The following PER3 variants were observed in gnomAD, a reference collection of about 807,000 sequenced individuals.
PER3 encodes the protein period circadian protein homolog 3.
Under a neutral mutation model 127.2 loss-of-function variants are expected in PER3, and 107 were observed. The ratio of observed to expected loss-of-function variants is 0.84; its 90% CI spans 0.72 to 0.99. PER3 has a LOEUF of 0.99. Ranked by LOEUF, PER3 falls within the 50% of genes least tolerant of loss-of-function variation. The pLI is 0.00. For synonymous variants in PER3, 618 were observed against 585.8 expected, an observed-to-expected ratio of 1.05 and a Z score of -0.79; for missense variants, 1,560 against 1,525.8, an observed-to-expected ratio of 1.02 and a Z score of -0.37.
chr1:7,810,018 G>A lies in PER3; in HGVS notation c.1368G>A (p.Glu456=). ...ACCGTGTGGAGGAGACGAAGGCGGA[G>A]CAGGTGCATGGGCTTATGTCACATT... ...SGHRVEETKA[E]QMTLQQVYAS... The change falls in exon 12 of 22, where the codon GAG becomes GAA. Residue 456 remains glutamate (E), a synonymous_variant. Coordinates refer to ENST00000377532, the MANE Select transcript of PER3 (RefSeq NM_001377275.1). 6.2e-7 allele frequency: 1 copy of A among 1,613,334 alleles called. No individual in the cohort carries two copies. The highest frequency in any genetic ancestry group is 8.5e-7 in the Non-Finnish European group (1 of 1,179,530).
chr1:7,822,260 T>A (rs997938356), intron 16 of PER3, among the ~76,000 whole-genome samples: 26 of 27,596 alleles, frequency 9.4e-4, no homozygotes, highest in South Asian at 2.9e-3. Flanking sequence ...AAAAAAAAAT[T>A]TTTTTTTTTT....
At chr1:7,796,545 C>T (rs1355112500) in intron 6 of PER3, among the ~76,000 whole-genome samples, 1 of 151,992 alleles carries the variant, frequency 6.6e-6, no homozygotes, top group African/African-American at 2.4e-5. Flanking sequence ...GAACTCCTGG[C>T]CTCAAGTGAT....
At chr1:7,832,094 T>G (rs1331199020) in intron 19 of PER3, among the ~76,000 whole-genome samples, 1 of 152,174 alleles carries the variant, frequency 6.6e-6, no homozygotes, top group Admixed American at 6.5e-5. Context: ...TATCAGTTTC[T>G]TAGTGATCTT....
At chr1:7,791,979 C>T in intron 5 of PER3, among the ~76,000 whole-genome samples, 1 of 152,206 alleles carries the variant, frequency 6.6e-6, no homozygotes, top group East Asian at 1.9e-4. Flanking sequence ...CTTCTAAGCC[C>T]TCCAAACTGT....
chr1:7,819,297 C>T lies in PER3; in HGVS notation c.1535C>T (p.Thr512Ile), dbSNP rs1236261388. Residue 512 changes from threonine to isoleucine, a missense_variant, in exon 14 of 22, where the codon ACC becomes ATC. Transcript: ENST00000377532. Reference protein sequence around the residue: ...ESANGGGECKTFTSFHQTLKN... With the variant: ...ESANGGGECKIFTSFHQTLKN... Reference sequence around the variant, plus strand: ...TATTCTGTTTCAGGTGAATGTAAGACCTTTACTTCCTTCCACCAAACACTG... The same window carrying T: ...TATTCTGTTTCAGGTGAATGTAAGATCTTTACTTCCTTCCACCAAACACTG... 6.2e-7 allele frequency: 1 copy of T among 1,613,408 alleles called. No homozygotes were observed. The highest frequency in any genetic ancestry group is 8.5e-7 in the Non-Finnish European group (1 of 1,179,466).
At chr1:7,821,371 C>T (rs1284074985) in intron 16 of PER3, among the ~76,000 whole-genome samples, 1 of 152,164 alleles carries the variant, frequency 6.6e-6, no homozygotes, top group Non-Finnish European at 1.5e-5. Context: ...TAAATCTTTC[C>T]AACAACCTGT....
intron 19 of PER3, among the ~76,000 whole-genome samples, chr1:7,834,369 C>G (rs1051271497): frequency 6.6e-6 from 1 of 152,054 alleles, no homozygotes; most frequent in Non-Finnish European, 1.5e-5. Context: ...TACATTTTAA[C>G]GTGTAAAAAA....
Position 7,789,140 on chromosome 1 carries a change from A to AATATATATATATATAT in PER3, c.592+897_592+912dup, listed in dbSNP as rs59535110. On this transcript the variant is annotated intron_variant, in intron 5 of 21. Transcript: ENST00000377532. ...TGAAGTGTCTCTTAAAGAGCTTTAA[A>AATATATATATATATAT]ATATATATATATATATATCAGCGTT... Among the ~76,000 whole-genome samples the AATATATATATATATAT allele has an allele frequency of 6.0e-3, 798 of 133,150 alleles. 5 individuals carry two copies. The highest frequency in any genetic ancestry group is 6.9e-3 in the Non-Finnish European group (413 of 60,070). 87.4% of individuals were successfully genotyped at this position (133,150 alleles called of 152,430 possible). A position where few individuals can be genotyped will look rare whatever the true frequency, so the allele number is the denominator to read the frequency against.
intron 13 of PER3, among the ~76,000 whole-genome samples, chr1:7,816,616 C>G (rs925029121): frequency 2.1e-4 from 32 of 152,054 alleles, no homozygotes; most frequent in African/African-American, 6.3e-4. Context: ...AAAATGTAAA[C>G]CATATGAGAT....
Position 7,820,219 on chromosome 1 carries a change from A to G in PER3, c.1763A>G (p.Asp588Gly). Reference sequence around the variant, plus strand: ...GAAGACAAACAGAACCACAAGGCAGATGATGTCCAAGCCTTACAAGGTAAC... The same window carrying G: ...GAAGACAAACAGAACCACAAGGCAGGTGATGTCCAAGCCTTACAAGGTAAC... ...SEEDKQNHKADDVQALQAGLQ... is the reference protein window; with the variant it reads ...SEEDKQNHKAGDVQALQAGLQ... Residue 588 changes from aspartate (D) to glycine (G), a missense_variant, in exon 15 of 22, where the codon GAT becomes GGT. By Grantham distance (94) the Asp-to-Gly change is moderately conservative. Transcript: ENST00000377532. The G allele has an allele frequency of 6.2e-7, 1 of 1,613,930 alleles. No homozygotes were observed. The highest frequency in any genetic ancestry group is 1.1e-5 in the South Asian group (1 of 91,056).
At position 7,809,934 on chromosome 1, in the gene PER3, G is replaced by A; in HGVS notation, c.1284G>A (p.Gly428=). The change falls in exon 12 of 22, where the codon GGG becomes GGA. Residue 428 remains glycine (G), a synonymous_variant. Coordinates refer to ENST00000377532, the MANE Select transcript of PER3 (RefSeq NM_001377275.1). Reference sequence around the variant, plus strand: ...TGTCCAGCGGCTACGGGAGCCTGGGGAGCAGCGGGTCGCAGGAGCAGCTTG... The same window carrying A: ...TGTCCAGCGGCTACGGGAGCCTGGGAAGCAGCGGGTCGCAGGAGCAGCTTG... ...VSVSSGYGSL[G]SSGSQEQLVS... 6.2e-7 allele frequency: 1 copy of A among 1,614,070 alleles called. No homozygotes were observed. Among genetic ancestry groups the A allele is most frequent in the Middle Eastern group, 1.7e-4 (1 of 6,058 alleles).
chr1:7,820,366 G>T, intron 15 of PER3, 101 bp from the exon 16 acceptor site: 1 of 1,404,122 alleles, frequency 7.1e-7, no homozygotes, highest in Non-Finnish European at 9.7e-7. Context: ...ATGACAGTAA[G>T]GTTTAATTTC....
intron 9 of PER3, 113 bp downstream of exon 9, chr1:7,803,266 G>C (rs1030005432): frequency 1.4e-6 from 1 of 733,156 alleles, no homozygotes; most frequent in African/African-American, 1.7e-5. Context: ...TTACATTGAA[G>C]CTGCTAAAGC....
rs137949562 is a variant in PER3, at chr1:7,827,559, C to T, written c.2630C>T (p.Pro877Leu). 23 of 1,614,050 alleles carry T rather than the reference C, an allele frequency of 1.4e-5. No homozygotes were observed. The highest frequency in any genetic ancestry group is 1.6e-4 in the Middle Eastern group (1 of 6,084). Reference protein sequence around the residue: ...PLLSPSFLPCPFLGATASSAI... With the variant: ...PLLSPSFLPCLFLGATASSAI... ...TTGTCGCCATCGTTTTTGCCATGTC[C>T]ATTCCTGGGGGCGACAGCCTCTTCT... Residue 877 changes from proline to leucine, a missense_variant, in exon 18 of 22, where the codon CCA (proline) becomes CTA (leucine). Coordinates refer to ENST00000377532, the MANE Select transcript of PER3 (RefSeq NM_001377275.1).
At chr1:7,842,290 C>T (rs2097394238) in intron 21 of PER3, among the ~76,000 whole-genome samples, 1 of 152,014 alleles carries the variant, frequency 6.6e-6, no homozygotes, top group Non-Finnish European at 1.5e-5. Context: ...ATCACGAGGT[C>T]AGGGGTTCAA....
rs147016685 is a variant in PER3, at chr1:7,827,528, C to A, written c.2599C>A (p.Pro867Thr). 1 of 1,614,210 alleles carries A rather than the reference C, an allele frequency of 6.2e-7. No homozygotes were observed. Among genetic ancestry groups the A allele is most frequent in the Non-Finnish European group, 8.5e-7 (1 of 1,180,038 alleles). ...TVFLPDPPVC[P>T]LLSPSFLPCP... Reference sequence around the variant, plus strand: ...TTTCCTGCCTGACCCCCCTGTCTGTCCTCTGTTGTCGCCATCGTTTTTGCC... The same window carrying A: ...TTTCCTGCCTGACCCCCCTGTCTGTACTCTGTTGTCGCCATCGTTTTTGCC... The change falls in exon 18 of 22, where the codon CCT (proline) becomes ACT (threonine). Residue 867 changes from proline (P) to threonine (T), a missense_variant. Around this residue, in one of 3 missense-constraint regions of PER3, gnomAD observed 1,332 missense variants for 1,223.6 expected, o/e 1.09. Transcript: ENST00000377532.
In PER3 at chr1:7,835,833, T is replaced by C. The variant is rs2097355573; in HGVS notation, c.3286T>C (p.Ser1096Pro). The C allele has an allele frequency of 8.7e-6, 14 of 1,611,882 alleles. No homozygotes were observed. The East Asian group carries it at 2.9e-4, about 33-fold the overall frequency. Reference protein sequence around the residue: ...SSKISQNGQQSQDVQKKETFP... With the variant: ...SSKISQNGQQPQDVQKKETFP... ...TAAAATCTCCCAAAATGGGCAGCAA[T>C]CTCAGGACGTACAGAAAAAAGAAAC... Residue 1096 changes from serine (S) to proline (P), a missense_variant, in exon 20 of 22, where the codon TCT becomes CCT. Ser to Pro is a moderately conservative substitution (Grantham distance 74). Transcript: ENST00000377532.
rs1305646151 is a variant in PER3, at chr1:7,784,795, G to C, written c.-83G>C. The C allele has an allele frequency of 7.5e-7, 1 of 1,339,354 alleles. No homozygotes were observed. The highest frequency in any genetic ancestry group is 3.1e-5 in the East Asian group (1 of 32,304). The allele number at this position is 1,339,354 out of a possible 1,614,324, so 83.0% of individuals were successfully genotyped here. A position where few individuals can be genotyped will look rare whatever the true frequency, so the allele number is the denominator to read the frequency against. The stretch of plus-strand genomic sequence containing the variant: ...TGGCGGGGACCGGAGTGAGAAACCG[G>C]TGTCTGTCACTGACTGCAAAGTGAG... On this transcript the variant is annotated 5_prime_UTR_variant, in exon 2 of 22. Transcript: ENST00000377532.
At chr1:7,816,897 A>C (rs913565994) in intron 13 of PER3, among the ~76,000 whole-genome samples, 1 of 152,250 alleles carries the variant, frequency 6.6e-6, no homozygotes, top group South Asian at 2.1e-4. Context: ...TTACTCTCCA[A>C]ACACAGAAAC....
Sources: gnomAD v4.1 joint callset for allele counts (sites outside exome capture counted in the v4.1 genomes callset) on GRCh38, gnomAD v4.1.1 for gene constraint, gnomAD v4.1.1 regional missense constraint, MANE v1.5 for transcripts, NCBI Gene and HGNC (gene_info 2026-07-23, HGNC 2026-07-21) for gene names.